The following FCHO1 variants were observed in gnomAD, a reference collection of about 807,000 sequenced individuals.
The protein encoded by FCHO1 is F-BAR domain only protein 1.
FCHO1 carries 45 observed loss-of-function variants against 114.4 expected under a neutral mutation model. That is an observed-to-expected ratio of 0.39 (90% CI 0.31 to 0.50). The LOEUF (loss-of-function observed/expected upper bound fraction) is 0.50. Among genes scored for constraint, FCHO1 ranks in the 20% least tolerant of loss-of-function variants. The pLI, the probability that FCHO1 is intolerant of heterozygous loss-of-function variation, is 0.77. For missense variants in FCHO1, 1,042 were observed against 1,209.6 expected, an observed-to-expected ratio of 0.86 and a Z score of 2.06; for synonymous variants, 480 against 488.9, an observed-to-expected ratio of 0.98 and a Z score of 0.24.
intron 26 of FCHO1, among the ~76,000 whole-genome samples, chr19:17,786,294 A>G (rs942810195): frequency 1.6e-4 from 25 of 152,206 alleles, no homozygotes; most frequent in African/African-American, 6.0e-4. Flanking sequence ...GATCGCACCA[A>G]TGCACACCAG....
chr19:17,756,832 T>A (rs1217805350), intron 4 of FCHO1, among the ~76,000 whole-genome samples: 1 of 152,000 alleles, frequency 6.6e-6, no homozygotes, highest in Non-Finnish European at 1.5e-5. Flanking sequence ...AAGCATGAAG[T>A]GTACTAGGGA....
At chr19:17,787,565 G>C in intron 27 of FCHO1, 117 bp from the exon 28 acceptor site, 1 of 1,182,714 alleles carries the variant, frequency 8.5e-7, no homozygotes, top group Non-Finnish European at 1.2e-6. Flanking sequence ...AGGGAGGTCT[G>C]ATGGGGCACA....
At chr19:17,783,319 T>C (rs1283688038) in intron 24 of FCHO1, 147 bp downstream of exon 24, 1 of 840,000 alleles carries the variant, frequency 1.2e-6, no homozygotes, top group African/African-American at 1.7e-5. Context: ...CAGGCTGGAG[T>C]GCAATGGCGT....
intron 20 of FCHO1, among the ~76,000 whole-genome samples, chr19:17,780,845 C>T (rs935481078): frequency 6.6e-6 from 1 of 152,114 alleles, no homozygotes; most frequent in Non-Finnish European, 1.5e-5. Flanking sequence ...GCATGAGACT[C>T]AGACACAGAC....
chr19:17,774,820 A>G lies in FCHO1; in HGVS notation c.921-236A>G, dbSNP rs577938932. 172 of 585,276 alleles carry G rather than the reference A, an allele frequency of 2.9e-4. 1 individual carries two copies. The highest frequency in any genetic ancestry group is 2.5e-3 in the African/African-American group (134 of 53,712). The allele number at this position is 585,276 out of a possible 1,614,324, so 36.3% of individuals were successfully genotyped here. ...CCTATCTTCACAAGGCAGCCCTTCA[A>G]ATGAGTTCCAGGATTCCTTCCCTCC... On this transcript the variant is annotated intron_variant, in intron 13 of 28. Transcript: ENST00000596536.
rs575395934 is a variant in FCHO1 at position 17,755,182 on chromosome 19, G to A, written c.18G>A (p.Glu6=). 8 of 1,610,602 alleles carry A rather than the reference G, an allele frequency of 5.0e-6. No homozygotes were observed. The African/African-American group carries it at 8.0e-5, about 16-fold the overall frequency. ...CCATCAGGATGTCGTATTTTGGGGA[G>A]CATTTTTGGGTAAGACCCACTCTTA... MSYFG[E]HFWGEKNHGF... Residue 6 remains glutamate, a synonymous_variant, in exon 4 of 29, where the codon GAG becomes GAA. Coordinates refer to ENST00000596536, the MANE Select transcript of FCHO1 (RefSeq NM_015122.3).
chr19:17,770,623 A>T, intron 8 of FCHO1, 46 bp downstream of exon 8: 5 of 1,591,388 alleles, frequency 3.1e-6, no homozygotes, highest in Non-Finnish European at 3.4e-6. Context: ...CGCGGGGCGG[A>T]GGGGCTGCCT....
chr19:17,762,883 G>GCCACGCCCACCAGAGA, intron 5 of FCHO1, 30 bp downstream of exon 5: 1 of 1,481,692 alleles, frequency 6.7e-7, no homozygotes, highest in Non-Finnish European at 9.4e-7. Flanking sequence ...TCCACCAGAG[G>GCCACGCCCACCAGAGA]CCACGCCCAC....
rs16981943 is a variant in FCHO1 at position 17,755,179 on chromosome 19, G to C, written c.15G>C (p.Gly5=). 2.8e-3 allele frequency: 4,454 copies of C among 1,610,978 alleles called. 105 individuals are homozygous for C. The African/African-American group carries it at 0.053, about 19-fold the overall frequency. The stretch of plus-strand genomic sequence containing the variant: ...AGACCATCAGGATGTCGTATTTTGG[G>C]GAGCATTTTTGGGTAAGACCCACTC... MSYF[G]EHFWGEKNHG... Residue 5 remains glycine, a synonymous_variant, in exon 4 of 29, where the codon GGG becomes GGC. Transcript: ENST00000596536.
chr19:17,754,485 G>A (rs991522321), intron 2 of FCHO1, 107 bp from the exon 3 acceptor site: 2 of 153,796 alleles, frequency 1.3e-5, no homozygotes, highest in Admixed American at 6.4e-5. Context: ...TGTCCTAGAG[G>A]AATCAGAAGA....
intron 24 of FCHO1, 90 bp downstream of exon 24, chr19:17,783,262 T>C: frequency 7.1e-7 from 1 of 1,399,738 alleles, no homozygotes; most frequent in Non-Finnish European, 9.7e-7. Flanking sequence ...TCCTGGGATT[T>C]TTTCTTTTCT....
chr19:17,764,393 C>T lies in FCHO1; in HGVS notation c.138C>T (p.Thr46=), dbSNP rs2087838234. The change falls in exon 6 of 29, where the codon ACC becomes ACT. Residue 46 remains threonine, a synonymous_variant. Transcript: ENST00000596536. Reference sequence around the variant, plus strand: ...TCCCCAGGGCCACCATCGAGGAGACCTACTCGAAGGCGATGGCGAAACTCT... The same window carrying T: ...TCCCCAGGGCCACCATCGAGGAGACTTACTCGAAGGCGATGGCGAAACTCT... ...FIRERATIEE[T]YSKAMAKLSK... is the part of the protein sequence containing the mutation. The T allele has an allele frequency of 6.8e-6, 11 of 1,613,712 alleles. No homozygotes were observed. Among genetic ancestry groups the T allele is most frequent in the Non-Finnish European group, 9.3e-6 (11 of 1,179,952 alleles).
intron 26 of FCHO1, among the ~76,000 whole-genome samples, chr19:17,785,430 T>A (rs902629443): frequency 6.6e-6 from 1 of 152,032 alleles, no homozygotes. Flanking sequence ...ACCATGTTGG[T>A]CAGGCTTGTC....
chr19:17,764,213 G>A (rs1599612551), intron 5 of FCHO1, among the ~76,000 whole-genome samples, 162 bp from the exon 6 acceptor site: 1 of 152,164 alleles, frequency 6.6e-6, no homozygotes, highest in East Asian at 1.9e-4. Flanking sequence ...GCTAATTTTT[G>A]TATTTTTAGT....
Position 17,775,970 on chromosome 19 carries a change from G to A in FCHO1, c.1004-13G>A, listed in dbSNP as rs1052390523. The A allele has an allele frequency of 6.2e-7, 1 of 1,604,292 alleles. No homozygotes were observed. Among genetic ancestry groups the A allele is most frequent in the Non-Finnish European group, 8.5e-7 (1 of 1,179,214 alleles). On this transcript the variant is annotated splice_polypyrimidine_tract_variant and intron_variant, in intron 15 of 28. Coordinates refer to ENST00000596536, the MANE Select transcript of FCHO1 (RefSeq NM_015122.3). The surrounding 1 kb of genome is among the most constrained non-coding windows in gnomAD (Gnocchi z 5.1). ...TTGTGTTGGGATTGGCTTGGACCTTGACTGCAGCCCACGCACGGCCGAGCC... is the reference window on the plus strand; with the variant it reads ...TTGTGTTGGGATTGGCTTGGACCTTAACTGCAGCCCACGCACGGCCGAGCC...
At chr19:17,780,010 C>T (rs1047475067) in intron 20 of FCHO1, among the ~76,000 whole-genome samples, 32 of 151,562 alleles carry the variant, frequency 2.1e-4, no homozygotes, top group African/African-American at 7.0e-4. Context: ...GGGAAGCCCC[C>T]GAGTCAGAGG....
At chr19:17,758,404 G>A (rs981668501) in intron 4 of FCHO1, among the ~76,000 whole-genome samples, 1 of 152,096 alleles carries the variant, frequency 6.6e-6, no homozygotes, top group African/African-American at 2.4e-5. Context: ...TGGACAAAAT[G>A]TGGTGGTGGA....
chr19:17,763,172 C>T (rs1423110240), intron 5 of FCHO1, among the ~76,000 whole-genome samples: 4 of 151,548 alleles, frequency 2.6e-5, no homozygotes, highest in African/African-American at 9.7e-5. Context: ...TCATAGCTCA[C>T]TGCAGCCTCG....
At chr19:17,770,258 G>A (rs1046356260) in intron 7 of FCHO1, among the ~76,000 whole-genome samples, 167 bp from the exon 8 acceptor site, 1 of 152,138 alleles carries the variant, frequency 6.6e-6, no homozygotes, top group Non-Finnish European at 1.5e-5. Context: ...TCGAGATCGT[G>A]CCACTGCACT....
Sources: allele counts gnomAD v4.1 joint callset (sites outside exome capture counted in the v4.1 genomes callset), GRCh38; gene constraint gnomAD v4.1.1; non-coding constraint Gnocchi (gnomAD v3.1); transcripts MANE v1.5; gene names NCBI Gene and HGNC (gene_info 2026-07-23, HGNC 2026-07-21).